HUNK: variants seen among roughly 807,000 people sequenced by gnomAD.
HUNK encodes the protein hormonally up-regulated Neu-associated kinase, also known as hormonally up-regulated neu tumor-associated kinase.
Under a neutral mutation model 61.0 loss-of-function variants are expected in HUNK, and 21 were observed. The ratio of observed to expected loss-of-function variants is 0.34; its 90% CI spans 0.24 to 0.50. The LOEUF (loss-of-function observed/expected upper bound fraction) is 0.50, where lower values mean the gene tolerates loss of function less well. Among genes scored for constraint, HUNK ranks in the 20% least tolerant of loss-of-function variants. The pLI is 0.98. For missense variants in HUNK, 772 were observed against 945.7 expected (o/e 0.82, Z 2.41); for synonymous variants, 371 against 386.1 (o/e 0.96, Z 0.46).
intron 6 of HUNK, among the ~76,000 whole-genome samples, chr21:31,972,110 C>A (rs1373916402): frequency 6.6e-6 from 1 of 152,106 alleles, no homozygotes; most frequent in Non-Finnish European, 1.5e-5. Flanking sequence ...GGGTTTCAGA[C>A]TTTTGTACAG....
chr21:31,968,753 TGA>T (rs113502322), intron 6 of HUNK, among the ~76,000 whole-genome samples: 3,650 of 115,448 alleles, frequency 0.032, 96 homozygotes, highest in African/African-American at 0.075. Flanking sequence ...TGTGTGTGTG[TGA>T]GAGAGAGAGA....
At chr21:31,975,186 G>T (rs1179409416) in intron 7 of HUNK, among the ~76,000 whole-genome samples, 6 of 152,274 alleles carry the variant, frequency 3.9e-5, no homozygotes, top group Admixed American at 2.6e-4. Flanking sequence ...AATTGGACTT[G>T]CCTGGCCTGA....
chr21:31,946,097 T>C lies in HUNK; in HGVS notation c.672T>C (p.Cys224=). The C allele has an allele frequency of 6.2e-7, 1 of 1,613,624 alleles. No individual in the cohort carries two copies. Residue 224 remains cysteine, a synonymous_variant, in exon 4 of 11, where the codon TGT becomes TGC. Transcript: ENST00000270112. ...ACTCGGATCCGTTCAGCACACAGTGTGGCAGCCCTGCCTACGCTGCACCTG... is the reference window on the plus strand; with the variant it reads ...ACTCGGATCCGTTCAGCACACAGTGCGGCAGCCCTGCCTACGCTGCACCTG... ...LGYSDPFSTQ[C]GSPAYAAPEL...
chr21:31,936,048 C>T (rs2052731594), intron 2 of HUNK, among the ~76,000 whole-genome samples: 1 of 152,128 alleles, frequency 6.6e-6, no homozygotes, highest in African/African-American at 2.4e-5. Flanking sequence ...CAACCCGCCT[C>T]AGCTTCCCAA....
rs1287233695 is a variant in HUNK at position 32,002,289 on chromosome 21, A to T, written c.*3105A>T. ...TATTTTGTAGAAATGGGGTTTCGCC[A>T]TGTTGCTCAGGCTGATCTCAAACTC... On this transcript the variant is annotated 3_prime_UTR_variant, in exon 11 of 11. Coordinates refer to ENST00000270112, the MANE Select transcript of HUNK (RefSeq NM_014586.2). 1 of 152,176 alleles carries T rather than the reference A, an allele frequency of 6.6e-6. No homozygotes were observed. Among genetic ancestry groups the T allele is most frequent in the Non-Finnish European group, 1.5e-5 (1 of 68,070 alleles). The allele number at this position is 152,176 out of a possible 1,614,324, so 9.4% of individuals were successfully genotyped here.
chr21:31,994,484 T>A (rs1171328691), intron 9 of HUNK, among the ~76,000 whole-genome samples: 3 of 152,236 alleles, frequency 2.0e-5, no homozygotes, highest in Admixed American at 6.5e-5. Flanking sequence ...ACGAGCTCTC[T>A]TGGTTTGCAA....
intron 1 of HUNK, among the ~76,000 whole-genome samples, chr21:31,922,718 A>G (rs749818809): frequency 2.0e-5 from 3 of 152,194 alleles, no homozygotes; most frequent in Non-Finnish European, 4.4e-5. Flanking sequence ...TTTCTTTATC[A>G]TGAACTATGT....
intron 7 of HUNK, among the ~76,000 whole-genome samples, chr21:31,978,284 T>C (rs1225685569): frequency 1.3e-5 from 2 of 152,240 alleles, no homozygotes; most frequent in East Asian, 3.8e-4. Flanking sequence ...TAAATCAAGC[T>C]AAATAATATA....
chr21:31,880,195 C>T (rs1268114923), intron 1 of HUNK, among the ~76,000 whole-genome samples: 1 of 152,220 alleles, frequency 6.6e-6, no homozygotes, highest in African/African-American at 2.4e-5. Context: ...ATGCCTGCAG[C>T]AGCCCTGGTG....
intron 1 of HUNK, among the ~76,000 whole-genome samples, chr21:31,891,232 C>T (rs2052385566): frequency 6.6e-6 from 1 of 152,200 alleles, no homozygotes; most frequent in Non-Finnish European, 1.5e-5. Context: ...CAAAAATTAG[C>T]TGGGCGTGGT....
At chr21:31,996,629 G>C (rs1472500062) in intron 10 of HUNK, among the ~76,000 whole-genome samples, 1 of 152,216 alleles carries the variant, frequency 6.6e-6, no homozygotes, top group East Asian at 1.9e-4. Context: ...CACAGGAGCT[G>C]AGGGCGTCCT....
At chr21:31,892,785 C>T (rs1002255560) in intron 1 of HUNK, among the ~76,000 whole-genome samples, 3 of 152,010 alleles carry the variant, frequency 2.0e-5, no homozygotes, top group Admixed American at 2.0e-4. Context: ...ATGGGGACGC[C>T]TCTTCCGTCA....
Position 31,873,528 on chromosome 21 carries a change from C to T in HUNK, c.-147C>T. The T allele has an allele frequency of 1.8e-6, 1 of 550,640 alleles. No individual in the cohort carries two copies. The highest frequency in any genetic ancestry group is 2.3e-6 in the Non-Finnish European group (1 of 432,596). The allele number at this position is 550,640 out of a possible 1,614,324, so 34.1% of individuals were successfully genotyped here. ...CTGGGCGGCGCGGGGGGCGTGATCGCGGCGGCCCCGGGCTCTGGGTGCGGA... is the reference window on the plus strand; with the variant it reads ...CTGGGCGGCGCGGGGGGCGTGATCGTGGCGGCCCCGGGCTCTGGGTGCGGA... On this transcript the variant is annotated 5_prime_UTR_variant, in exon 1 of 11. Coordinates refer to ENST00000270112, the MANE Select transcript of HUNK (RefSeq NM_014586.2). The surrounding 1 kb of genome is among the most constrained non-coding windows in gnomAD (Gnocchi z 6.1).
At chr21:31,894,847 C>G (rs989484455) in intron 1 of HUNK, among the ~76,000 whole-genome samples, 2 of 152,166 alleles carry the variant, frequency 1.3e-5, no homozygotes, top group African/African-American at 4.8e-5. Context: ...ATGGCCCCCT[C>G]CATTGGGTGC....
intron 1 of HUNK, among the ~76,000 whole-genome samples, chr21:31,892,806 G>A (rs934696865): frequency 3.3e-5 from 5 of 152,112 alleles, no homozygotes; most frequent in African/African-American, 1.2e-4. Flanking sequence ...ACACCTCCCT[G>A]AGGACCGCGA....
intron 10 of HUNK, among the ~76,000 whole-genome samples, chr21:31,998,293 C>T (rs559067111): frequency 6.6e-6 from 1 of 152,192 alleles, no homozygotes; most frequent in Non-Finnish European, 1.5e-5. Flanking sequence ...ATCCAGGAGA[C>T]GTCCTGTCGC....
chr21:31,940,265 T>A, intron 3 of HUNK, 45 bp downstream of exon 3: 1 of 1,259,462 alleles, frequency 7.9e-7, no homozygotes, highest in Non-Finnish European at 1.1e-6. Flanking sequence ...TTTTAAGTGT[T>A]GTGTTGTCAG....
rs181367975 is a variant in HUNK, at chr21:31,970,041, A to G, written c.1010+1656A>G. Among the ~76,000 whole-genome samples, 215 of 152,232 alleles carry G rather than the reference A, an allele frequency of 1.4e-3. 2 individuals are homozygous for G. The highest frequency in any genetic ancestry group is 4.9e-3 in the African/African-American group (205 of 41,518). ...CCTTCAGACCTAGGGTGGCTTGCAC[A>G]TTTGACCAGGCTTGGATGAAGACAA... On this transcript the variant is annotated intron_variant, in intron 6 of 10. Transcript: ENST00000270112.
chr21:31,961,861 T>C (rs1007807135), intron 5 of HUNK, among the ~76,000 whole-genome samples: 1 of 152,222 alleles, frequency 6.6e-6, no homozygotes, highest in Non-Finnish European at 1.5e-5. Flanking sequence ...GGAGAACTGC[T>C]GATCTGCTGC....
Sources: gnomAD v4.1 joint callset for allele counts (sites outside exome capture counted in the v4.1 genomes callset) on GRCh38, gnomAD v4.1.1 for gene constraint, Gnocchi (gnomAD v3.1) non-coding constraint, MANE v1.5 for transcripts, NCBI Gene and HGNC (gene_info 2026-07-23, HGNC 2026-07-21) for gene names.